The following MYO1E variants were observed in gnomAD, a reference collection of about 807,000 sequenced individuals.
The protein encoded by MYO1E is unconventional myosin-Ie.
A neutral mutation model predicts 151.1 loss-of-function variants in MYO1E; 68 were observed. That is an observed-to-expected ratio of 0.45 (90% CI 0.37 to 0.55). The LOEUF is 0.55. Ranked by LOEUF, MYO1E falls within the 20% of genes least tolerant of loss-of-function variation. The pLI, the probability that MYO1E is intolerant of heterozygous loss-of-function variation, is 0.00. For synonymous variants in MYO1E, 601 were observed against 501.7 expected, an observed-to-expected ratio of 1.20 and a Z score of -2.64; for missense variants, 1,363 against 1,389.3, an observed-to-expected ratio of 0.98 and a Z score of 0.30.
chr15:59,188,135 G>A lies in MYO1E; in HGVS notation c.1887C>T (p.Phe629=). The A allele has an allele frequency of 6.2e-7, 1 of 1,613,874 alleles. No homozygotes were observed. The change falls in exon 18 of 28, where the codon TTC becomes TTT. Residue 629 remains phenylalanine, a synonymous_variant. Transcript: ENST00000288235. ...TTCATTACCTCTGTAGGAATTTTTGGAAGATGCGCCGATAGGCATAGCCAG... is the reference window on the plus strand; with the variant it reads ...TTCATTACCTCTGTAGGAATTTTTGAAAGATGCGCCGATAGGCATAGCCAG... ...RRAGYAYRRI[F]QKFLQRYAIL...
intron 12 of MYO1E, among the ~76,000 whole-genome samples, chr15:59,211,839 C>T (rs1214151544): frequency 3.3e-5 from 5 of 152,128 alleles, no homozygotes; most frequent in African/African-American, 4.8e-5. Flanking sequence ...ACACTGCTAC[C>T]ATGGCCGTCT....
intron 7 of MYO1E, among the ~76,000 whole-genome samples, chr15:59,227,125 G>A (rs927214138): frequency 6.6e-6 from 1 of 152,030 alleles, no homozygotes. Context: ...TTTCCATCCG[G>A]GCTCTACCTC....
intron 13 of MYO1E, among the ~76,000 whole-genome samples, chr15:59,209,657 C>G (rs1235955078): frequency 6.6e-6 from 1 of 151,756 alleles, no homozygotes; most frequent in Non-Finnish European, 1.5e-5. Flanking sequence ...GCCTGGGCAA[C>G]CGAGCGAGAC....
chr15:59,313,280 A>G (rs1430105670), intron 1 of MYO1E, among the ~76,000 whole-genome samples: 1 of 152,184 alleles, frequency 6.6e-6, no homozygotes, highest in African/African-American at 2.4e-5. Flanking sequence ...GTATCCCCCA[A>G]CACACACACA....
chr15:59,230,217 T>TGA (rs1442967502), intron 6 of MYO1E, among the ~76,000 whole-genome samples: 9 of 105,282 alleles, frequency 8.5e-5, no homozygotes, highest in African/African-American at 4.2e-4. Flanking sequence ...AGAGAGACAG[T>TGA]GTGTGTTTGT....
intron 4 of MYO1E, among the ~76,000 whole-genome samples, chr15:59,249,982 G>A (rs986831730): frequency 6.6e-6 from 1 of 152,128 alleles, no homozygotes; most frequent in Admixed American, 6.5e-5. Flanking sequence ...AAAAGCCAAG[G>A]CCCAGACAGG....
intron 1 of MYO1E, among the ~76,000 whole-genome samples, chr15:59,302,046 G>A (rs1469105956): frequency 6.6e-6 from 1 of 152,106 alleles, no homozygotes; most frequent in East Asian, 1.9e-4. Flanking sequence ...CCCCTGCCTG[G>A]CAGAACTAAA....
intron 1 of MYO1E, among the ~76,000 whole-genome samples, chr15:59,275,413 C>T (rs2080312580): frequency 1.3e-5 from 2 of 152,174 alleles, no homozygotes; most frequent in South Asian, 2.1e-4. Flanking sequence ...CTCTTCCGCC[C>T]TCCCTCCCTG....
At chr15:59,359,520 C>G (rs2080874099) in intron 1 of MYO1E, 1 of 152,222 alleles carries the variant, frequency 6.6e-6, no homozygotes, top group Non-Finnish European at 1.5e-5. Context: ...GTGGCTCACA[C>G]CTGTAATCCC....
At chr15:59,323,853 G>C (rs28775006) in intron 1 of MYO1E, among the ~76,000 whole-genome samples, 4,774 of 152,024 alleles carry the variant, frequency 0.031, 182 homozygotes, top group African/African-American at 0.085. Flanking sequence ...AGAGCCCCTG[G>C]GGGGCTGTCA....
chr15:59,365,022 A>G (rs1215711347), intron 1 of MYO1E, among the ~76,000 whole-genome samples: 1 of 150,372 alleles, frequency 6.7e-6, no homozygotes, highest in African/African-American at 2.4e-5. Flanking sequence ...ATTATTCTAA[A>G]TTTCTTTTTC....
At chr15:59,305,919 A>G (rs965297241) in intron 1 of MYO1E, among the ~76,000 whole-genome samples, 4 of 152,184 alleles carry the variant, frequency 2.6e-5, no homozygotes, top group Non-Finnish European at 5.9e-5. Flanking sequence ...GACCAAGGCC[A>G]TACCCTAAGG....
chr15:59,340,956 T>C (rs1359605312), intron 1 of MYO1E, among the ~76,000 whole-genome samples: 1 of 143,046 alleles, frequency 7.0e-6, no homozygotes, highest in African/African-American at 2.6e-5. Flanking sequence ...GAGGCAGAGG[T>C]TGCAGTGAGC....
At chr15:59,226,802 G>T (rs1396658940) in intron 7 of MYO1E, among the ~76,000 whole-genome samples, 1 of 152,186 alleles carries the variant, frequency 6.6e-6, no homozygotes, top group East Asian at 1.9e-4. Context: ...GCAAGACACT[G>T]TCTCAAATAA....
chr15:59,243,527 T>C (rs894527358), intron 4 of MYO1E, among the ~76,000 whole-genome samples: 1 of 152,106 alleles, frequency 6.6e-6, no homozygotes, highest in Non-Finnish European at 1.5e-5. Flanking sequence ...GTGGAAGAGC[T>C]AGAAAAGGAG....
chr15:59,258,970 G>T (rs71480510), intron 3 of MYO1E, among the ~76,000 whole-genome samples: 21,662 of 149,206 alleles, frequency 0.15, 2,388 homozygotes, highest in East Asian at 0.53. Flanking sequence ...TTTTGTTTTT[G>T]TTTTTAAATA....
chr15:59,231,847 T>C, intron 5 of MYO1E, 56 bp from the exon 6 acceptor site: 3 of 1,580,156 alleles, frequency 1.9e-6, no homozygotes, highest in Non-Finnish European at 2.6e-6. Flanking sequence ...CCACACAGTG[T>C]ACGCCAAACT....
At chr15:59,158,947 G>T (rs2079523176) in intron 24 of MYO1E, among the ~76,000 whole-genome samples, 1 of 152,166 alleles carries the variant, frequency 6.6e-6, no homozygotes, top group African/African-American at 2.4e-5. Flanking sequence ...AACACACTGT[G>T]GGTCACAGTC....
chr15:59,308,222 CAAAAAAAAAAAAAA>C (rs1189618865), intron 1 of MYO1E, among the ~76,000 whole-genome samples: 61 of 48,518 alleles, frequency 1.3e-3, no homozygotes, highest in African/African-American at 5.8e-3. Context: ...GACTCTGTCT[CAAAAAAAAAAAAAA>C]AAAAAAAAAA....
Sources: allele counts gnomAD v4.1 joint callset (sites outside exome capture counted in the v4.1 genomes callset), GRCh38; gene constraint gnomAD v4.1.1; transcripts MANE v1.5; gene names NCBI Gene and HGNC (gene_info 2026-07-23, HGNC 2026-07-21).